Variants in ZFHX3 observed in about 807,000 individuals in gnomAD.
ZFHX3 encodes the protein zinc finger homeobox protein 3.
A neutral mutation model predicts 279.1 loss-of-function variants in ZFHX3; 42 were observed. That is an observed-to-expected ratio of 0.15 (90% CI 0.12 to 0.19). The LOEUF is 0.19. ZFHX3 is among the 10% of genes least tolerant of loss of function. The pLI is 1.00. For synonymous variants in ZFHX3, 2,293 were observed against 1,957.8 expected (o/e 1.17, Z -4.52); for missense variants, 4,981 against 4,754.0 (o/e 1.05, Z -1.40).
At chr16:73,245,392 C>T (rs1385516874) in intron 5 of ZFHX3, among the ~76,000 whole-genome samples, 2 of 152,166 alleles carry the variant, frequency 1.3e-5, no homozygotes, top group Admixed American at 1.3e-4. Context: ...GCCTTGGCCT[C>T]CCAAAGCACT....
At chr16:73,525,576 T>C (rs913278006) in intron 2 of ZFHX3, among the ~76,000 whole-genome samples, 5 of 152,168 alleles carry the variant, frequency 3.3e-5, no homozygotes, top group African/African-American at 1.2e-4. Flanking sequence ...AACATGCATC[T>C]TGGTACAAGG....
intron 5 of ZFHX3, among the ~76,000 whole-genome samples, chr16:73,155,922 T>A (rs761760738): frequency 2.1e-4 from 32 of 152,054 alleles, no homozygotes; most frequent in Non-Finnish European, 2.5e-4. Context: ...CTCACATATA[T>A]GTTATATATG....
intron 1 of ZFHX3, among the ~76,000 whole-genome samples, chr16:73,751,409 A>G (rs1314381695): frequency 6.6e-6 from 1 of 152,204 alleles, no homozygotes; most frequent in Non-Finnish European, 1.5e-5. Flanking sequence ...CCGTGTCATC[A>G]TCCATTCTAG....
rs889345782 is a variant in ZFHX3 at position 72,782,895 on chromosome 16, A to AT, written c.*4268dup. On this transcript the variant is annotated 3_prime_UTR_variant, in exon 10 of 10. Transcript: ENST00000268489. ...AACAGAGACAGGAGCTTTTGCTCAT[A>AT]TTTTTTTTTTAATGTATCACAATGA... 1.5e-4 allele frequency: 22 copies of AT among 149,652 alleles called. No individual in the cohort carries two copies. Among genetic ancestry groups the AT allele is most frequent in the Admixed American group, 2.7e-4 (4 of 15,002 alleles). 9.3% of individuals were successfully genotyped at this position (149,652 alleles called of 1,614,324 possible). A position where few individuals can be genotyped will look rare whatever the true frequency, so the allele number is the denominator to read the frequency against.
chr16:72,908,878 C>A (rs1189023324), intron 3 of ZFHX3, among the ~76,000 whole-genome samples: 1 of 152,336 alleles, frequency 6.6e-6, no homozygotes, highest in African/African-American at 2.4e-5. Flanking sequence ...ATAATACCCA[C>A]TGTTTCAGGT....
chr16:73,478,061 A>C (rs1259559773), intron 2 of ZFHX3, among the ~76,000 whole-genome samples: 2 of 152,100 alleles, frequency 1.3e-5, no homozygotes, highest in Non-Finnish European at 2.9e-5. Context: ...TCACGAGGTC[A>C]AGAGATCGAG....
chr16:73,374,271 CTT>C (rs1195509778), intron 3 of ZFHX3, among the ~76,000 whole-genome samples: 3 of 152,058 alleles, frequency 2.0e-5, no homozygotes, highest in Admixed American at 2.0e-4. Flanking sequence ...TAAATTATGA[CTT>C]AGTTTTTTTT....
chr16:73,305,408 T>C (rs2015158542), intron 4 of ZFHX3, among the ~76,000 whole-genome samples: 1 of 152,222 alleles, frequency 6.6e-6, no homozygotes, highest in South Asian at 2.1e-4. Flanking sequence ...AATCAGTCCA[T>C]GCAAAGAGGA....
chr16:73,607,243 G>A (rs1459593407), intron 2 of ZFHX3, among the ~76,000 whole-genome samples: 1 of 152,108 alleles, frequency 6.6e-6, no homozygotes, highest in Admixed American at 6.5e-5. Flanking sequence ...TGGCCAGGCT[G>A]GTCTCGAACT....
chr16:73,094,900 G>C (rs947671646), intron 7 of ZFHX3, among the ~76,000 whole-genome samples: 2 of 151,930 alleles, frequency 1.3e-5, no homozygotes, highest in Admixed American at 6.6e-5. Context: ...ATAGAGATAG[G>C]GTTTTCCTCA....
chr16:72,881,528 C>T (rs968856532), intron 4 of ZFHX3, among the ~76,000 whole-genome samples: 4 of 152,196 alleles, frequency 2.6e-5, no homozygotes, highest in Non-Finnish European at 4.4e-5. Context: ...CTCCCTGGCC[C>T]CTACCAAGGT....
At chr16:73,196,482 A>G (rs1968152360) in intron 5 of ZFHX3, among the ~76,000 whole-genome samples, 1 of 152,152 alleles carries the variant, frequency 6.6e-6, no homozygotes, top group South Asian at 2.1e-4. Flanking sequence ...CTGAAAAATA[A>G]TTCTGAACTG....
intron 5 of ZFHX3, among the ~76,000 whole-genome samples, chr16:72,824,345 G>A (rs1049597934): frequency 3.9e-5 from 6 of 152,046 alleles, no homozygotes; most frequent in Non-Finnish European, 8.8e-5. Flanking sequence ...AATCAGGGAC[G>A]CTCCACTGCA....
chr16:73,096,443 C>G (rs975882365), intron 7 of ZFHX3, among the ~76,000 whole-genome samples: 2 of 151,670 alleles, frequency 1.3e-5, no homozygotes, highest in Non-Finnish European at 2.9e-5. Context: ...CACTCTGTCA[C>G]CCAGGGTGGA....
intron 3 of ZFHX3, among the ~76,000 whole-genome samples, chr16:73,391,451 C>CA (rs111841761): frequency 0.44 from 65,102 of 147,750 alleles, 14,625 homozygotes; most frequent in Non-Finnish European, 0.49. Flanking sequence ...AACTCTGTCT[C>CA]AAAAAAAAAA....
chr16:72,908,305 T>C (rs2039235159), intron 3 of ZFHX3, among the ~76,000 whole-genome samples: 1 of 152,138 alleles, frequency 6.6e-6, no homozygotes, highest in Non-Finnish European at 1.5e-5. Context: ...TTCTCTTCCA[T>C]TGTAAAAGGA....
chr16:72,919,786 T>C (rs1388123696), intron 3 of ZFHX3, among the ~76,000 whole-genome samples: 1 of 112,538 alleles, frequency 8.9e-6, no homozygotes, highest in African/African-American at 3.6e-5. Flanking sequence ...TCTTTTTTTT[T>C]TTTTTTTTTT....
At chr16:73,044,529 T>C (rs1965224082) in intron 1 of ZFHX3, among the ~76,000 whole-genome samples, 1 of 152,196 alleles carries the variant, frequency 6.6e-6, no homozygotes, top group African/African-American at 2.4e-5. Flanking sequence ...ACCAGAATCA[T>C]TGCTGCCTAC....
intron 4 of ZFHX3, among the ~76,000 whole-genome samples, chr16:73,271,903 G>C (rs943749029): frequency 6.6e-6 from 1 of 152,194 alleles, no homozygotes; most frequent in African/African-American, 2.4e-5. Flanking sequence ...TTAGAGGGGA[G>C]AGACAAGGTT....
Sources: allele counts gnomAD v4.1 joint callset (sites outside exome capture counted in the v4.1 genomes callset), GRCh38; gene constraint gnomAD v4.1.1; transcripts MANE v1.5; gene names NCBI Gene and HGNC (gene_info 2026-07-23, HGNC 2026-07-21).